ASCC3: variants seen among roughly 807,000 people sequenced by gnomAD.
ASCC3 encodes the protein activating signal cointegrator 1 complex subunit 3.
A neutral mutation model predicts 256.3 loss-of-function variants in ASCC3; 158 were observed. That is an observed-to-expected ratio of 0.62 (90% CI 0.54 to 0.70). The LOEUF is 0.70. ASCC3 is among the 30% of genes least tolerant of loss of function. The pLI, the probability that ASCC3 is intolerant of heterozygous loss-of-function variation, is 0.00. For synonymous variants in ASCC3, 948 were observed against 883.4 expected, an observed-to-expected ratio of 1.07 and a Z score of -1.30; for missense variants, 2,259 against 2,626.0, an observed-to-expected ratio of 0.86 and a Z score of 3.05.
intron 10 of ASCC3, among the ~76,000 whole-genome samples, chr6:100,748,657 A>G (rs1364571818): frequency 6.6e-6 from 1 of 152,058 alleles, no homozygotes; most frequent in Non-Finnish European, 1.5e-5. Context: ...CCTGCTCAAT[A>G]TTCCTTTAAA....
chr6:100,657,132 T>A (rs1045238408), intron 16 of ASCC3, among the ~76,000 whole-genome samples: 2 of 151,276 alleles, frequency 1.3e-5, no homozygotes, highest in African/African-American at 2.4e-5. Flanking sequence ...TTATAATGTA[T>A]AATTTTCATT....
At position 100,584,204 on chromosome 6, in the gene ASCC3, A is replaced by AATG. The variant is rs1289648977; in HGVS notation, c.5550+5429_5550+5430insCAT. Among the ~76,000 whole-genome samples, 3 of 151,210 alleles carry AATG rather than the reference A, an allele frequency of 2.0e-5. No individual in the cohort carries two copies. The East Asian group carries it at 5.8e-4, about 29-fold the overall frequency. ...CAGTGGGGTGTTAAAGTCTCCCATT[A>AATG]TTAATGTGTGGGAGTCTAAGTCTCT... On this transcript the variant is annotated intron_variant, in intron 36 of 41. Coordinates refer to ENST00000369162, the MANE Select transcript of ASCC3 (RefSeq NM_006828.4).
Position 100,859,185 on chromosome 6 carries a change from G to A in ASCC3, c.241+4879C>T, listed in dbSNP as rs768709256. ...TCTTTTCCATCCAGCCTCCTCTTCT[G>A]GAATGGACAATTCACTTCTAGGAAA... On this transcript the variant is annotated intron_variant, in intron 3 of 41. Transcript: ENST00000369162. 76 of 779,748 alleles carry A rather than the reference G, an allele frequency of 9.7e-5. No homozygotes were observed. The East Asian group carries it at 1.8e-3, about 18-fold the overall frequency. 48.3% of individuals were successfully genotyped at this position (779,748 alleles called of 1,614,324 possible).
At chr6:100,601,687 C>T (rs1772622655) in intron 34 of ASCC3, 123 bp downstream of exon 34, 1 of 1,112,936 alleles carries the variant, frequency 9.0e-7, no homozygotes. Flanking sequence ...TAGACAAATT[C>T]ATATACCTAG....
At chr6:100,726,000 A>AG (rs1779605572) in intron 10 of ASCC3, among the ~76,000 whole-genome samples, 1 of 151,542 alleles carries the variant, frequency 6.6e-6, no homozygotes, top group Admixed American at 6.6e-5. Flanking sequence ...GTAAAAAAAA[A>AG]AAAAACAGTA....
chr6:100,832,707 A>C (rs1294341982), intron 4 of ASCC3, among the ~76,000 whole-genome samples: 1 of 152,126 alleles, frequency 6.6e-6, no homozygotes, highest in Non-Finnish European at 1.5e-5. Flanking sequence ...CGTAAAATTC[A>C]ATCTATTAGC....
At chr6:100,703,522 T>C (rs973281168) in intron 13 of ASCC3, among the ~76,000 whole-genome samples, 1 of 152,024 alleles carries the variant, frequency 6.6e-6, no homozygotes, top group Non-Finnish European at 1.5e-5. Flanking sequence ...ACAAGATTAC[T>C]CTAGCAGCTT....
At chr6:100,849,605 G>A (rs1772561042) in intron 3 of ASCC3, among the ~76,000 whole-genome samples, 1 of 151,862 alleles carries the variant, frequency 6.6e-6, no homozygotes, top group Non-Finnish European at 1.5e-5. Context: ...GTAAATATAA[G>A]AAGAATCAGC....
intron 13 of ASCC3, among the ~76,000 whole-genome samples, chr6:100,710,822 T>A (rs1778820687): frequency 6.6e-6 from 1 of 152,128 alleles, no homozygotes; most frequent in South Asian, 2.1e-4. Flanking sequence ...TGTAACATCA[T>A]CTTAATAAAA....
At chr6:100,537,502 T>G (rs1775219624) in intron 37 of ASCC3, among the ~76,000 whole-genome samples, 1 of 152,100 alleles carries the variant, frequency 6.6e-6, no homozygotes, top group South Asian at 2.1e-4. Flanking sequence ...AAAATTTGAA[T>G]AGGTCTGTAG....
At chr6:100,601,711 C>T in intron 34 of ASCC3, 99 bp downstream of exon 34, 2 of 1,411,880 alleles carry the variant, frequency 1.4e-6, no homozygotes, top group African/African-American at 2.8e-5. Flanking sequence ...CTCCAAAGTT[C>T]TGCCTTTTTT....
intron 17 of ASCC3, 84 bp downstream of exon 17, chr6:100,655,615 A>G: frequency 6.7e-7 from 1 of 1,486,894 alleles, no homozygotes; most frequent in Non-Finnish European, 9.2e-7. Flanking sequence ...ATGAGGCAAG[A>G]GCAGCAAACA....
At chr6:100,514,892 A>T (rs561479320) in intron 39 of ASCC3, among the ~76,000 whole-genome samples, 1 of 152,272 alleles carries the variant, frequency 6.6e-6, no homozygotes. Flanking sequence ...CTTTAAACAT[A>T]CTAATTTCTG....
chr6:100,647,523 C>T, intron 20 of ASCC3, 72 bp from the exon 21 acceptor site: 1 of 1,342,940 alleles, frequency 7.4e-7, no homozygotes, highest in Non-Finnish European at 1.1e-6. Flanking sequence ...ATCTATTATT[C>T]AAACTCAGTC....
In ASCC3 at chr6:100,558,469, T is replaced by C. The variant is rs568620860; in HGVS notation, c.5551-18082A>G. On this transcript the variant is annotated intron_variant, in intron 36 of 41. Coordinates refer to ENST00000369162, the MANE Select transcript of ASCC3 (RefSeq NM_006828.4). ...TTTGAAACAATGTTCTTTATGATGA[T>C]AGAGGGTCAAATGCTGCTACAGAAT... Among the ~76,000 whole-genome samples, 25 of 152,244 alleles carry C rather than the reference T, an allele frequency of 1.6e-4. No individual in the cohort carries two copies. The South Asian group carries it at 5.2e-3, about 32-fold the overall frequency.
chr6:100,736,587 T>C (rs961217748), intron 10 of ASCC3, among the ~76,000 whole-genome samples: 5 of 152,178 alleles, frequency 3.3e-5, no homozygotes, highest in African/African-American at 9.7e-5. Flanking sequence ...TCTGCTTGTA[T>C]ACACTTAACC....
intron 5 of ASCC3, among the ~76,000 whole-genome samples, chr6:100,802,340 C>A (rs1389252673): frequency 6.6e-6 from 1 of 151,754 alleles, no homozygotes; most frequent in Non-Finnish European, 1.5e-5. Flanking sequence ...TGTAGAGCCT[C>A]CCCCTTGCTC....
intron 10 of ASCC3, among the ~76,000 whole-genome samples, chr6:100,750,305 A>G (rs1314115382): frequency 1.3e-5 from 2 of 152,076 alleles, no homozygotes; most frequent in Non-Finnish European, 2.9e-5. Flanking sequence ...CAAATAGACA[A>G]TATCAGAAAA....
intron 36 of ASCC3, among the ~76,000 whole-genome samples, chr6:100,553,729 G>A (rs960495704): frequency 6.6e-6 from 1 of 152,012 alleles, no homozygotes; most frequent in African/African-American, 2.4e-5. Context: ...AACATCTTTT[G>A]TAATCACATC....
Sources: gnomAD v4.1 joint callset for allele counts (sites outside exome capture counted in the v4.1 genomes callset) on GRCh38, gnomAD v4.1.1 for gene constraint, MANE v1.5 for transcripts, NCBI Gene and HGNC (gene_info 2026-07-23, HGNC 2026-07-21) for gene names.